The following ST3GAL6 variants were observed in gnomAD, a reference collection of about 807,000 sequenced individuals.
ST3GAL6 encodes the protein type 2 lactosamine alpha-2,3-sialyltransferase.
A neutral mutation model predicts 40.5 loss-of-function variants in ST3GAL6; 31 were observed. The observed-to-expected ratio is 0.77, with a 90% CI of 0.58 to 1.03. The LOEUF (loss-of-function observed/expected upper bound fraction) is 1.03. ST3GAL6 is among the 50% of genes least tolerant of loss of function. ST3GAL6 has a pLI of 0.00. For missense variants in ST3GAL6, 357 were observed against 393.2 expected, an observed-to-expected ratio of 0.91 and a Z score of 0.78; for synonymous variants, 129 against 136.9, an observed-to-expected ratio of 0.94 and a Z score of 0.40.
At position 98,788,445 on chromosome 3, in the gene ST3GAL6, A is replaced by G; in HGVS notation, c.738A>G (p.Lys246=). The change falls in exon 8 of 10, where the codon AAA becomes AAG. Residue 246 remains lysine, a synonymous_variant. Coordinates refer to ENST00000483910, the MANE Select transcript of ST3GAL6 (RefSeq NM_001323368.2). The stretch of plus-strand genomic sequence containing the variant: ...CTTATGAACTGCTTCATTTTCCAAA[A>G]GTGTTTCCCAAAAATCAGGTATGTA... ...TAAYELLHFP[K]VFPKNQKPKH... is the part of the protein sequence containing the mutation. The G allele has an allele frequency of 6.2e-7, 1 of 1,608,648 alleles. No homozygotes were observed. Among genetic ancestry groups the G allele is most frequent in the South Asian group, 1.1e-5 (1 of 89,736 alleles).
At chr3:98,767,655 T>C (rs1222822672) in intron 1 of ST3GAL6, among the ~76,000 whole-genome samples, 4 of 152,262 alleles carry the variant, frequency 2.6e-5, no homozygotes, top group Admixed American at 2.0e-4. Flanking sequence ...TGGAAACTTT[T>C]CCTTTTTTCC....
At chr3:98,777,776 C>A (rs1438504720) in intron 5 of ST3GAL6, among the ~76,000 whole-genome samples, 1 of 152,168 alleles carries the variant, frequency 6.6e-6, no homozygotes, top group Non-Finnish European at 1.5e-5. Context: ...GACACAGGCT[C>A]TTCTCTTTAT....
At chr3:98,776,826 A>T (rs1413653485) in intron 5 of ST3GAL6, among the ~76,000 whole-genome samples, 1 of 152,214 alleles carries the variant, frequency 6.6e-6, no homozygotes, top group African/African-American at 2.4e-5. Flanking sequence ...ATCCTTTAAG[A>T]TTCTACCAGA....
At chr3:98,759,332 G>A (rs1440440395), upstream of ST3GAL6, among the ~76,000 whole-genome samples, 1 of 152,200 alleles carries the variant, frequency 6.6e-6, no homozygotes, top group African/African-American at 2.4e-5. Context: ...AACACAGGCA[G>A]AGAAGTAGAG....
chr3:98,775,606 G>C (rs1939475127), intron 5 of ST3GAL6, among the ~76,000 whole-genome samples: 1 of 152,104 alleles, frequency 6.6e-6, no homozygotes, highest in South Asian at 2.1e-4. Flanking sequence ...TTTTGTTCTT[G>C]ACTAATTTTT....
intron 1 of ST3GAL6, among the ~76,000 whole-genome samples, chr3:98,745,865 T>C (rs922643925): frequency 6.6e-6 from 1 of 152,208 alleles, no homozygotes; most frequent in Admixed American, 6.5e-5. Flanking sequence ...AGGTCAGGGA[T>C]AGAGCAAGGG....
chr3:98,786,695 G>T (rs828608), intron 6 of ST3GAL6, among the ~76,000 whole-genome samples: 137,192 of 148,322 alleles, frequency 0.92, 63,765 homozygotes, highest in South Asian at 0.99. Flanking sequence ...TTTTTTTTTT[G>T]TTTGTTTTCT....
chr3:98,786,557 G>A (rs1940734339), intron 6 of ST3GAL6, among the ~76,000 whole-genome samples: 1 of 152,198 alleles, frequency 6.6e-6, no homozygotes, highest in Non-Finnish European at 1.5e-5. Flanking sequence ...AGGTCGAAGA[G>A]GGAATGCAGA....
intron 3 of ST3GAL6, among the ~76,000 whole-genome samples, chr3:98,771,745 G>A (rs558013789): frequency 3.2e-4 from 48 of 152,108 alleles, no homozygotes; most frequent in South Asian, 1.9e-3. Context: ...AGACTTTTTC[G>A]TATATGATTC....
Position 98,775,488 on chromosome 3 carries a change from A to AG in ST3GAL6, c.335+1505_335+1506insG, listed in dbSNP as rs1553716177. On this transcript the variant is annotated intron_variant, in intron 5 of 9. Transcript: ENST00000483910. ...AGACTTCGTCTCAAAAAAAAAAAAA[A>AG]AAGATAATTGTGAGTCCTTGCAGCA... Among the ~76,000 whole-genome samples, 5 of 151,976 alleles carry AG rather than the reference A, an allele frequency of 3.3e-5. No individual in the cohort carries two copies. The South Asian group carries it at 1.0e-3, about 32-fold the overall frequency.
At chr3:98,751,652 T>G (rs150825092) in intron 1 of ST3GAL6, among the ~76,000 whole-genome samples, 1,918 of 152,336 alleles carry the variant, frequency 0.013, 56 homozygotes, top group African/African-American at 0.043. Flanking sequence ...TTAATGTCAT[T>G]AATAGGTTTT....
At chr3:98,773,394 A>G (rs1939200953) in intron 4 of ST3GAL6, 1 of 152,826 alleles carries the variant, frequency 6.5e-6, no homozygotes, top group Non-Finnish European at 1.5e-5. Flanking sequence ...TAATGATAAA[A>G]CACTTTCCCT....
At chr3:98,785,327 G>C (rs1457981716) in intron 6 of ST3GAL6, among the ~76,000 whole-genome samples, 1 of 152,060 alleles carries the variant, frequency 6.6e-6, no homozygotes, top group Non-Finnish European at 1.5e-5. Context: ...AAGAAAATGA[G>C]TAATTAAATA....
At chr3:98,755,749 G>C (rs912089940) in intron 1 of ST3GAL6, among the ~76,000 whole-genome samples, 2 of 151,382 alleles carry the variant, frequency 1.3e-5, no homozygotes, top group African/African-American at 2.4e-5. Flanking sequence ...GTGCGTGTCT[G>C]TGTGTGTGTG....
At chr3:98,745,116 C>A (rs748229074) in intron 1 of ST3GAL6, among the ~76,000 whole-genome samples, 2 of 152,000 alleles carry the variant, frequency 1.3e-5, no homozygotes, top group African/African-American at 4.8e-5. Flanking sequence ...TCACTGCAAC[C>A]TCTGCCTCTG....
chr3:98,745,652 G>A (rs1450561741), intron 1 of ST3GAL6, among the ~76,000 whole-genome samples: 2 of 152,202 alleles, frequency 1.3e-5, no homozygotes, highest in Non-Finnish European at 2.9e-5. Context: ...ACTTTCAGAA[G>A]TTTAGGTAAT....
intron 1 of ST3GAL6, among the ~76,000 whole-genome samples, chr3:98,737,877 C>A: frequency 6.6e-6 from 1 of 152,162 alleles, no homozygotes; most frequent in East Asian, 1.9e-4. Flanking sequence ...CCAACAAAAA[C>A]CACAAAAGAC....
chr3:98,770,557 A>T (rs1938865917), intron 2 of ST3GAL6: 1 of 216,360 alleles, frequency 4.6e-6, no homozygotes, highest in African/African-American at 2.3e-5. Flanking sequence ...AGGGACTTCT[A>T]AAAAGTGAGC....
intron 1 of ST3GAL6, chr3:98,756,453 T>C: frequency 7.8e-7 from 1 of 1,289,726 alleles, no homozygotes; most frequent in Non-Finnish European, 1.0e-6. Flanking sequence ...GGCAGCGTCC[T>C]GAGTCTTTGG....
Sources: allele counts gnomAD v4.1 joint callset (sites outside exome capture counted in the v4.1 genomes callset), GRCh38; gene constraint gnomAD v4.1.1; transcripts MANE v1.5; gene names NCBI Gene and HGNC (gene_info 2026-07-23, HGNC 2026-07-21).